Variants in CPNE8 observed in about 807,000 individuals in gnomAD.
The protein encoded by CPNE8 is copine-8.
A neutral mutation model predicts 81.5 loss-of-function variants in CPNE8; 45 were observed. The ratio of observed to expected loss-of-function variants is 0.55; its 90% CI spans 0.44 to 0.71. CPNE8 has a LOEUF of 0.71. Ranked by LOEUF, CPNE8 falls within the 30% of genes least tolerant of loss-of-function variation. The pLI is 0.00. For synonymous variants in CPNE8, 252 were observed against 226.3 expected (o/e 1.11, Z -1.02); for missense variants, 594 against 672.1 (o/e 0.88, Z 1.28).
chr12:38,813,274 A>C (rs1046080596), intron 6 of CPNE8, among the ~76,000 whole-genome samples: 3 of 152,206 alleles, frequency 2.0e-5, no homozygotes, highest in Non-Finnish European at 2.9e-5. Context: ...CAGTTGTGAC[A>C]GCCATATAAT....
chr12:38,673,675 C>T (rs1194376622), intron 18 of CPNE8, among the ~76,000 whole-genome samples: 1 of 152,078 alleles, frequency 6.6e-6, no homozygotes, highest in Non-Finnish European at 1.5e-5. Flanking sequence ...ATTCCCTGTT[C>T]CCATGTTTCC....
At chr12:38,745,249 C>T (rs780052344) in intron 10 of CPNE8, among the ~76,000 whole-genome samples, 1 of 152,220 alleles carries the variant, frequency 6.6e-6, no homozygotes, top group Non-Finnish European at 1.5e-5. Flanking sequence ...TTCCTACACT[C>T]CTTTCAGATA....
At chr12:38,699,613 G>C (rs1425834162) in intron 14 of CPNE8, among the ~76,000 whole-genome samples, 1 of 145,440 alleles carries the variant, frequency 6.9e-6, no homozygotes, top group Non-Finnish European at 1.5e-5. Context: ...TTACCTTTTG[G>C]TGGCTGCATA....
intron 1 of CPNE8, among the ~76,000 whole-genome samples, chr12:38,900,380 C>A (rs1404946485): frequency 6.6e-6 from 1 of 152,186 alleles, no homozygotes; most frequent in Non-Finnish European, 1.5e-5. Flanking sequence ...AGAAATCCCT[C>A]TTCCCACATT....
At chr12:38,721,879 C>T (rs1458321280) in intron 13 of CPNE8, among the ~76,000 whole-genome samples, 1 of 152,206 alleles carries the variant, frequency 6.6e-6, no homozygotes, top group Non-Finnish European at 1.5e-5. Flanking sequence ...GTACCTATGC[C>T]AGCACCCTGA....
chr12:38,882,095 T>A lies in CPNE8; in HGVS notation c.99-7584A>T, dbSNP rs774007644. ...GGTCCAAATCCCTGGAACCTGTAAATGTGACCTTATTTGGAAGAGGTCTCT... is the reference window on the plus strand; with the variant it reads ...GGTCCAAATCCCTGGAACCTGTAAAAGTGACCTTATTTGGAAGAGGTCTCT... On this transcript the variant is annotated intron_variant, in intron 1 of 19. Transcript: ENST00000331366. Among the ~76,000 whole-genome samples the A allele has an allele frequency of 3.4e-4, 51 of 152,210 alleles. 1 individual carries two copies. Among genetic ancestry groups the A allele is most frequent in the Admixed American group, 2.2e-3 (34 of 15,282 alleles).
At chr12:38,796,620 C>T (rs914142773) in intron 6 of CPNE8, among the ~76,000 whole-genome samples, 1 of 152,156 alleles carries the variant, frequency 6.6e-6, no homozygotes, top group South Asian at 2.1e-4. Context: ...GTGAGTGACG[C>T]AGAAGACGGG....
intron 1 of CPNE8, 138 bp downstream of exon 1, chr12:38,905,299 G>T: frequency 2.1e-6 from 2 of 955,846 alleles, no homozygotes; most frequent in Non-Finnish European, 3.1e-6. Context: ...GGTAACTCCA[G>T]CCCCACTACT....
intron 13 of CPNE8, among the ~76,000 whole-genome samples, chr12:38,713,619 TG>T (rs1940315764): frequency 6.6e-6 from 1 of 152,104 alleles, no homozygotes; most frequent in South Asian, 2.1e-4. Flanking sequence ...ATAAGAAATT[TG>T]GGAGAAAAAA....
intron 11 of CPNE8, among the ~76,000 whole-genome samples, chr12:38,729,153 T>G (rs922330243): frequency 6.6e-6 from 1 of 152,092 alleles, no homozygotes; most frequent in Non-Finnish European, 1.5e-5. Context: ...CAAGGAGAAC[T>G]AGTGTGCATG....
intron 10 of CPNE8, among the ~76,000 whole-genome samples, chr12:38,740,973 TC>T (rs1941085995): frequency 6.6e-6 from 1 of 152,024 alleles, no homozygotes; most frequent in Non-Finnish European, 1.5e-5. Flanking sequence ...TGGTACCAGC[TC>T]CTCCTTGAAG....
intron 6 of CPNE8, among the ~76,000 whole-genome samples, chr12:38,810,803 C>G (rs1485050269): frequency 6.6e-6 from 1 of 152,164 alleles, no homozygotes; most frequent in Non-Finnish European, 1.5e-5. Context: ...AGAGACTTCA[C>G]TTCCAAGTTC....
intron 13 of CPNE8, among the ~76,000 whole-genome samples, chr12:38,716,687 C>T (rs1314063955): frequency 6.6e-6 from 1 of 151,954 alleles, no homozygotes; most frequent in African/African-American, 2.4e-5. Context: ...CATAAGAATT[C>T]CAGAAGATAA....
Position 38,716,478 on chromosome 12 carries a change from C to A in CPNE8, c.914+7294G>T, listed in dbSNP as rs147171144. Among the ~76,000 whole-genome samples, 8 of 151,728 alleles carry A rather than the reference C, an allele frequency of 5.3e-5. No homozygotes were observed. In the South Asian group the frequency reaches 1.7e-3, roughly 32 times the overall value. ...TAGATCAAGGAACAGAACAGAGAACCGAGGTGTAAAGCCAAATAGAACTAA... is the reference window on the plus strand; with the variant it reads ...TAGATCAAGGAACAGAACAGAGAACAGAGGTGTAAAGCCAAATAGAACTAA... On this transcript the variant is annotated intron_variant, in intron 13 of 19. Coordinates refer to ENST00000331366, the MANE Select transcript of CPNE8 (RefSeq NM_153634.3).
At chr12:38,833,060 A>G (rs1592126951) in intron 5 of CPNE8, among the ~76,000 whole-genome samples, 2 of 151,828 alleles carry the variant, frequency 1.3e-5, no homozygotes, top group Non-Finnish European at 1.5e-5. Flanking sequence ...TTTTTAAGAT[A>G]TTTTTGGCTA....
intron 3 of CPNE8, among the ~76,000 whole-genome samples, chr12:38,850,549 T>TA (rs1943629360): frequency 6.6e-6 from 1 of 152,218 alleles, no homozygotes; most frequent in Non-Finnish European, 1.5e-5. Flanking sequence ...CATCTATATA[T>TA]TATGACTATA....
At chr12:38,724,988 T>C (rs753601298) in intron 11 of CPNE8, 89 bp from the exon 12 acceptor site, 111 of 1,132,658 alleles carry the variant, frequency 9.8e-5, no homozygotes, top group Non-Finnish European at 1.3e-4. Flanking sequence ...TTTAACCTGC[T>C]GCCTTCCCTT....
intron 1 of CPNE8, among the ~76,000 whole-genome samples, chr12:38,902,249 GAAAGA>G (rs1490423664): frequency 4.4e-5 from 4 of 91,494 alleles, no homozygotes; most frequent in Non-Finnish European, 8.0e-5. Flanking sequence ...AAGAAAGAAA[GAAAGA>G]AAAAAGAAAG....
chr12:38,689,319 G>A (rs772486687), intron 15 of CPNE8, among the ~76,000 whole-genome samples: 10 of 152,206 alleles, frequency 6.6e-5, no homozygotes, highest in African/African-American at 9.6e-5. Context: ...TTTTCCTCCC[G>A]TTTAGCTCCC....
Sources: gnomAD v4.1 joint callset for allele counts (sites outside exome capture counted in the v4.1 genomes callset) on GRCh38, gnomAD v4.1.1 for gene constraint, MANE v1.5 for transcripts, NCBI Gene and HGNC (gene_info 2026-07-23, HGNC 2026-07-21) for gene names.